The following VMA21 variants were observed in gnomAD, a reference collection of about 807,000 sequenced individuals.
VMA21 encodes vacuolar ATPase assembly factor VMA21.
For synonymous variants in VMA21, 47 were observed against 34.1 expected (o/e 1.38, Z -1.32); for missense variants, 61 against 80.6 (o/e 0.76, Z 0.93).
rs1170821608 is a variant in VMA21 at position 151,407,654 on chromosome X, C to T, written c.*2596C>T. 1 of 112,014 alleles carries T rather than the reference C, an allele frequency of 8.9e-6. No homozygotes were observed. The highest frequency in any genetic ancestry group is 3.3e-5 in the African/African-American group (1 of 30,737). The allele number at this position is 112,014 out of a possible 1,213,427, so 9.2% of individuals were successfully genotyped here. On this transcript the variant is annotated 3_prime_UTR_variant, in exon 3 of 3. Transcript: ENST00000330374. ...GGTAACACATTACCTTCCTCACCTC[C>T]TGTTTGGCCCTGGAGAATGTAGTCC...
intron 1 of VMA21, 62 bp downstream of exon 1, chrX:151,397,423 G>T: frequency 8.9e-7 from 1 of 1,123,617 alleles, no homozygotes; most frequent in Non-Finnish European, 1.2e-6. Context: ...CAGGGCTTGA[G>T]GGAAGGCCCT....
At chrX:151,399,252 G>C (rs754317096) in intron 1 of VMA21, among the ~76,000 whole-genome samples, 1 of 112,266 alleles carries the variant, frequency 8.9e-6, no homozygotes, top group Admixed American at 9.4e-5. Context: ...GCTGTGTATA[G>C]ATTGTGTGGG....
Position 151,403,637 on chromosome X carries a change from A to T in VMA21, c.60A>T (p.Glu20Asp). The T allele has an allele frequency of 8.3e-7, 1 of 1,202,070 alleles. No individual in the cohort carries two copies. Among genetic ancestry groups the T allele is most frequent in the Non-Finnish European group, 1.1e-6 (1 of 887,137 alleles). ...NALQPPEFRN[E>D]SSLASTLKTL... ...TTTGTTTACTTTATTCCAGAAATGA[A>T]AGCTCATTAGCATCTACACTGAAGA... Residue 20 changes from glutamate (E) to aspartate (D), a missense_variant, in exon 2 of 3, where the codon GAA (glutamate) becomes GAT (aspartate). By Grantham distance (45) the Glu-to-Asp change is conservative (BLOSUM62 2). Coordinates refer to ENST00000330374, the MANE Select transcript of VMA21 (RefSeq NM_001017980.4).
At chrX:151,398,321 C>A (rs761358769) in intron 1 of VMA21, among the ~76,000 whole-genome samples, 5 of 107,850 alleles carry the variant, frequency 4.6e-5, no homozygotes, top group African/African-American at 1.7e-4. Context: ...ACCCGATAGG[C>A]GTTTTTTCTG....
upstream of VMA21, chrX:151,396,956 C>A (rs1363110458): frequency 2.7e-5 from 14 of 521,720 alleles, no homozygotes; most frequent in Non-Finnish European, 4.9e-5. Context: ...CCATGTTGCG[C>A]GGCAAGTCCC....
rs752973487 is a variant in VMA21 at position 151,406,791 on chromosome X, T to G, written c.*1733T>G. On this transcript the variant is annotated 3_prime_UTR_variant, in exon 3 of 3. Transcript: ENST00000330374. ...ATTCTTGCTTAAGTATGTGAAACCA[T>G]TACCGATTTGTTGTTCACATTTATT... The G allele has an allele frequency of 1.7e-4, 19 of 112,442 alleles. No individual in the cohort carries two copies. Among genetic ancestry groups the G allele is most frequent in the African/African-American group, 6.1e-4 (19 of 30,969 alleles). 9.3% of individuals were successfully genotyped at this position (112,442 alleles called of 1,213,427 possible). A position where few individuals can be genotyped will look rare whatever the true frequency, so the allele number is the denominator to read the frequency against.
intron 2 of VMA21, 26 bp from the exon 3 acceptor site, chrX:151,404,890 G>A (rs373165301): frequency 7.5e-6 from 9 of 1,196,755 alleles, no homozygotes; most frequent in Middle Eastern, 2.3e-4. Flanking sequence ...GCAATAAAAT[G>A]GAAACTGTTT....
At chrX:151,397,106 CTGCGG>C (rs1289537794), upstream of VMA21, 573 of 348,600 alleles carry the variant, frequency 1.6e-3, 2 homozygotes, top group African/African-American at 0.014. Flanking sequence ...CCCTGCGTCG[CTGCGG>C]CGCGCCGCGC....
Position 151,407,257 on chromosome X carries a change from G to A in VMA21, c.*2199G>A, listed in dbSNP as rs879103893. 2.7e-5 allele frequency: 3 copies of A among 112,886 alleles called. No homozygotes were observed. The highest frequency in any genetic ancestry group is 5.6e-5 in the Non-Finnish European group (3 of 53,281). 9.3% of individuals were successfully genotyped at this position (112,886 alleles called of 1,213,427 possible). On this transcript the variant is annotated 3_prime_UTR_variant, in exon 3 of 3. Coordinates refer to ENST00000330374, the MANE Select transcript of VMA21 (RefSeq NM_001017980.4). ...GTTGTAATTTCCTCTTGGAAAAAGC[G>A]CCAAATGTTTGAAGGTTAAAATCAA...
At position 151,398,792 on chromosome X, in the gene VMA21, G is replaced by T. The variant is rs771160119; in HGVS notation, c.53+1431G>T. Among the ~76,000 whole-genome samples the T allele has an allele frequency of 2.7e-5, 3 of 112,239 alleles. No individual in the cohort carries two copies. In the South Asian group the frequency reaches 1.1e-3, roughly 41 times the overall value. Reference sequence around the variant, plus strand: ...AGGCTCTGTCTGCTCAATGTTGGCTGCAGAAGTTTGTATGAAGTGGGAAAA... The same window carrying T: ...AGGCTCTGTCTGCTCAATGTTGGCTTCAGAAGTTTGTATGAAGTGGGAAAA... On this transcript the variant is annotated intron_variant, in intron 1 of 2. Transcript: ENST00000330374.
rs543530271 is a variant in VMA21, at chrX:151,403,664, G to A, written c.87G>A (p.Thr29=). The A allele has an allele frequency of 3.3e-6, 4 of 1,209,653 alleles. No homozygotes were observed. The highest frequency in any genetic ancestry group is 5.9e-5 in the East Asian group (2 of 33,821). The change falls in exon 2 of 3, where the codon ACG becomes ACA. Residue 29 remains threonine, a synonymous_variant. Coordinates refer to ENST00000330374, the MANE Select transcript of VMA21 (RefSeq NM_001017980.4). ...GCTCATTAGCATCTACACTGAAGAC[G>A]CTCCTGTTCTTCACAGCTTTAATGA... The part of the protein sequence containing the change: ...NESSLASTLK[T]LLFFTALMIT...
At chrX:151,403,389 G>A (rs1027389391) in intron 1 of VMA21, among the ~76,000 whole-genome samples, 2 of 112,611 alleles carry the variant, frequency 1.8e-5, no homozygotes, top group Non-Finnish European at 3.8e-5. Context: ...GTGCCCTGAC[G>A]CTTCGTCTTA....
At chrX:151,398,315 G>A (rs1282219022) in intron 1 of VMA21, among the ~76,000 whole-genome samples, 12 of 83,131 alleles carry the variant, frequency 1.4e-4, no homozygotes, top group Non-Finnish European at 2.3e-4. Context: ...CATAGTACCC[G>A]ATAGGCGTTT....
chrX:151,403,974 G>A (rs1327808789), intron 2 of VMA21, among the ~76,000 whole-genome samples: 1 of 111,896 alleles, frequency 8.9e-6, no homozygotes, highest in Non-Finnish European at 1.9e-5. Context: ...ACCTTTTAAA[G>A]AATAGGGGTT....
At position 151,406,038 on chromosome X, in the gene VMA21, C is replaced by G. The variant is rs985891828; in HGVS notation, c.*980C>G. On this transcript the variant is annotated 3_prime_UTR_variant, in exon 3 of 3. Coordinates refer to ENST00000330374, the MANE Select transcript of VMA21 (RefSeq NM_001017980.4). ...TTCGTATCTTTAGTCTGTGTTCTTT[C>G]TAGTTATTTGGTACTAATTATGTGC... 6.3e-5 allele frequency: 7 copies of G among 110,870 alleles called. No homozygotes were observed. 9.1% of individuals were successfully genotyped at this position (110,870 alleles called of 1,213,427 possible).
chrX:151,397,253 G>T lies in VMA21; in HGVS notation c.-56G>T, dbSNP rs1023628252. On this transcript the variant is annotated 5_prime_UTR_variant, in exon 1 of 3. Transcript: ENST00000330374. ...GCCGTTCCCTCGCGGAGCTTACTGA[G>T]CGCGGCCGCCGAGCCCAGCTCCGCC... The T allele has an allele frequency of 1.8e-6, 2 of 1,135,960 alleles. No homozygotes were observed. The highest frequency in any genetic ancestry group is 3.6e-5 in the African/African-American group (2 of 55,243). 93.6% of individuals were successfully genotyped at this position (1,135,960 alleles called of 1,213,427 possible).
At chrX:151,404,338 G>C (rs949828386) in intron 2 of VMA21, among the ~76,000 whole-genome samples, 8 of 112,575 alleles carry the variant, frequency 7.1e-5, no homozygotes, top group Admixed American at 4.7e-4. Flanking sequence ...GCCTCCCAGA[G>C]TGCTGGGATT....
upstream of VMA21, chrX:151,397,181 A>AAGGG (rs2011198942): frequency 2.7e-6 from 2 of 754,459 alleles, no homozygotes; most frequent in African/African-American, 4.5e-5. Flanking sequence ...TCCGGCGCGA[A>AAGGG]CGGGCACTTC....
At chrX:151,397,472 C>T in intron 1 of VMA21, 111 bp downstream of exon 1, 2 of 915,992 alleles carry the variant, frequency 2.2e-6, no homozygotes, top group Non-Finnish European at 3.0e-6. Context: ...CCCCGGGGAC[C>T]TGGCCTCAGG....
Sources: gnomAD v4.1 joint callset for allele counts (sites outside exome capture counted in the v4.1 genomes callset) on GRCh38, gnomAD v4.1.1 for gene constraint, MANE v1.5 for transcripts, NCBI Gene and HGNC (gene_info 2026-07-23, HGNC 2026-07-21) for gene names.